Variants in YES1 observed in about 807,000 individuals in gnomAD.
The protein encoded by YES1 is tyrosine-protein kinase Yes.
In YES1, 39 loss-of-function variants were observed where a neutral mutation model predicts 70.4. That is an observed-to-expected ratio of 0.55 (90% confidence interval 0.43 to 0.72). The LOEUF (loss-of-function observed/expected upper bound fraction) is 0.72, where lower values mean the gene tolerates loss of function less well. Among genes scored for constraint, YES1 ranks in the 30% least tolerant of loss-of-function variants. The pLI, the probability that YES1 is intolerant of heterozygous loss-of-function variation, is 0.00. For synonymous variants in YES1, 198 were observed against 218.6 expected (o/e 0.91, Z 0.83); for missense variants, 495 against 644.8 (o/e 0.77, Z 2.52).
Position 733,782 on chromosome 18 carries a change from C to CAAAAAAAAA in YES1, c.1292-826_1292-818dup, listed in dbSNP as rs71174280. On this transcript the variant is annotated intron_variant, in intron 10 of 11. Transcript: ENST00000314574. ...TGGGCAACAGAGTGAGACTCCGTCT[C>CAAAAAAAAA]AAAAAAAAAAAAAAAAAAAAAAAAA... is the stretch of plus-strand genomic sequence containing the variant. 2.0e-3 allele frequency among the ~76,000 whole-genome samples: 120 copies of CAAAAAAAAA among 59,248 alleles called. 8 individuals are homozygous for CAAAAAAAAA. Among genetic ancestry groups the CAAAAAAAAA allele is most frequent in the African/African-American group, 7.1e-3 (116 of 16,450 alleles). 38.9% of individuals were successfully genotyped at this position (59,248 alleles called of 152,430 possible). A position where few individuals can be genotyped will look rare whatever the true frequency, so the allele number is the denominator to read the frequency against.
chr18:743,511 A>C lies in YES1; in HGVS notation c.725-96T>G, dbSNP rs1473702512. 3 of 1,040,748 alleles carry C rather than the reference A, an allele frequency of 2.9e-6. No individual in the cohort carries two copies. The East Asian group carries it at 7.9e-5, about 27-fold the overall frequency. 64.5% of individuals were successfully genotyped at this position (1,040,748 alleles called of 1,614,324 possible). A position where few individuals can be genotyped will look rare whatever the true frequency, so the allele number is the denominator to read the frequency against. ...TTAAGTTTAAACTGTAGAAAAACAAAAACAGAAGTCCTTTCGAGTTTTACT... is the reference window on the plus strand; with the variant it reads ...TTAAGTTTAAACTGTAGAAAAACAACAACAGAAGTCCTTTCGAGTTTTACT... On this transcript the variant is annotated intron_variant, in intron 6 of 11. Coordinates refer to ENST00000314574, the MANE Select transcript of YES1 (RefSeq NM_005433.4).
At chr18:773,837 C>T (rs1905257105) in intron 1 of YES1, among the ~76,000 whole-genome samples, 1 of 128,886 alleles carries the variant, frequency 7.8e-6, no homozygotes, top group Non-Finnish European at 1.6e-5. Flanking sequence ...AACACTTTTC[C>T]CTTTTTTTTT....
intron 1 of YES1, among the ~76,000 whole-genome samples, chr18:806,970 AAAGT>A (rs1366779727): frequency 6.6e-6 from 1 of 152,210 alleles, no homozygotes; most frequent in Non-Finnish European, 1.5e-5. Flanking sequence ...AGTAGTGGTA[AAAGT>A]AAGGACAAGA....
At chr18:752,100 A>C (rs1050890257) in intron 2 of YES1, among the ~76,000 whole-genome samples, 1 of 152,132 alleles carries the variant, frequency 6.6e-6, no homozygotes, top group Non-Finnish European at 1.5e-5. Context: ...AGACTTGGAG[A>C]AACAAATTTA....
intron 1 of YES1, among the ~76,000 whole-genome samples, chr18:786,041 C>T (rs982645916): frequency 6.6e-5 from 10 of 152,206 alleles, no homozygotes; most frequent in African/African-American, 2.2e-4. Context: ...GATGTCAGCA[C>T]TTTGGTATTG....
At chr18:790,858 C>T (rs1301975108) in intron 1 of YES1, among the ~76,000 whole-genome samples, 4 of 152,164 alleles carry the variant, frequency 2.6e-5, no homozygotes, top group African/African-American at 7.2e-5. Flanking sequence ...AGTATCCTTC[C>T]AACAGATATC....
At chr18:787,867 C>T (rs1232168167) in intron 1 of YES1, 1 of 152,066 alleles carries the variant, frequency 6.6e-6, no homozygotes, top group Non-Finnish European at 1.5e-5. Context: ...ATCCATAGAT[C>T]GACATATATC....
intron 3 of YES1, among the ~76,000 whole-genome samples, chr18:749,752 C>T (rs576684555): frequency 1.3e-5 from 2 of 150,476 alleles, no homozygotes; most frequent in Non-Finnish European, 3.0e-5. Flanking sequence ...CCCAGCTACT[C>T]GGGAGGCTTA....
chr18:793,861 A>G (rs957203562), intron 1 of YES1, among the ~76,000 whole-genome samples: 14 of 151,566 alleles, frequency 9.2e-5, no homozygotes, highest in Non-Finnish European at 1.5e-4. Context: ...GAGCATCAAG[A>G]AAAAAAAATG....
chr18:760,195 C>A (rs1247608797), intron 1 of YES1, among the ~76,000 whole-genome samples: 1 of 152,070 alleles, frequency 6.6e-6, no homozygotes, highest in Non-Finnish European at 1.5e-5. Context: ...GGGGACTGGG[C>A]ACAGTGGCTC....
At chr18:752,869 G>A (rs538970581) in intron 2 of YES1, among the ~76,000 whole-genome samples, 8 of 152,266 alleles carry the variant, frequency 5.3e-5, no homozygotes, top group South Asian at 2.1e-4. Context: ...CTTGAAACCC[G>A]GAAGTGGAGG....
At chr18:755,503 C>T (rs2080395372) in intron 2 of YES1, among the ~76,000 whole-genome samples, 1 of 152,154 alleles carries the variant, frequency 6.6e-6, no homozygotes, top group Admixed American at 6.5e-5. Context: ...CTGCCTGCCT[C>T]AGCCTCCCAA....
chr18:779,008 T>C (rs979587439), intron 1 of YES1, among the ~76,000 whole-genome samples: 3 of 152,176 alleles, frequency 2.0e-5, no homozygotes, highest in Non-Finnish European at 4.4e-5. Context: ...ATACAAACAA[T>C]TGACCTTAAA....
chr18:729,450 A>G (rs550524023), intron 11 of YES1, among the ~76,000 whole-genome samples: 26 of 149,244 alleles, frequency 1.7e-4, no homozygotes, highest in African/African-American at 6.1e-4. Context: ...TACAATTTCC[A>G]TTTGATTCTT....
At chr18:748,323 T>A (rs1445510018) in intron 3 of YES1, among the ~76,000 whole-genome samples, 2 of 151,576 alleles carry the variant, frequency 1.3e-5, no homozygotes, top group Non-Finnish European at 2.9e-5. Context: ...TAAAACAATT[T>A]GGGAGGTAAA....
Position 757,312 on chromosome 18 carries a change from G to T in YES1, c.-8-477C>A, listed in dbSNP as rs542852728. Among the ~76,000 whole-genome samples the T allele has an allele frequency of 7.3e-5, 11 of 151,588 alleles. No homozygotes were observed. In the South Asian group the frequency reaches 1.9e-3, roughly 26 times the overall value. On this transcript the variant is annotated intron_variant, in intron 1 of 11. Coordinates refer to ENST00000314574, the MANE Select transcript of YES1 (RefSeq NM_005433.4). ...AGGTCAGGAGATTGAGACCATCCTGGCTAACACGGTGAAACCCCGCCTCTA... is the reference window on the plus strand; with the variant it reads ...AGGTCAGGAGATTGAGACCATCCTGTCTAACACGGTGAAACCCCGCCTCTA...
chr18:770,395 G>A (rs7228015), intron 1 of YES1, among the ~76,000 whole-genome samples: 45,300 of 151,436 alleles, frequency 0.3, 6,917 homozygotes, highest in Admixed American at 0.39. Flanking sequence ...TGTGACCTCT[G>A]ATGTCTGTCA....
chr18:744,962 CA>C (rs1294800524), intron 6 of YES1, among the ~76,000 whole-genome samples: 1 of 151,936 alleles, frequency 6.6e-6, no homozygotes, highest in Admixed American at 6.6e-5. Context: ...CTAAAATAAC[CA>C]CATAAATTCA....
At chr18:773,551 G>C (rs1235463094) in intron 1 of YES1, among the ~76,000 whole-genome samples, 1 of 152,182 alleles carries the variant, frequency 6.6e-6, no homozygotes, top group East Asian at 1.9e-4. Context: ...AGGCTGGTAA[G>C]ACAGTGAGGA....
Sources: allele counts gnomAD v4.1 joint callset (sites outside exome capture counted in the v4.1 genomes callset), GRCh38; gene constraint gnomAD v4.1.1; transcripts MANE v1.5; gene names NCBI Gene and HGNC (gene_info 2026-07-23, HGNC 2026-07-21).